Variants in CASP1 observed in about 807,000 individuals in gnomAD.
The protein encoded by CASP1 is caspase-1.
Under a neutral mutation model 41.2 loss-of-function variants are expected in CASP1, and 31 were observed. The observed-to-expected ratio is 0.75, with a 90% CI of 0.57 to 1.02. The LOEUF (loss-of-function observed/expected upper bound fraction) is 1.02, where lower values mean the gene tolerates loss of function less well. CASP1 is among the 50% of genes least tolerant of loss of function. CASP1 has a pLI of 0.00. For missense variants in CASP1, 490 were observed against 495.7 expected (o/e 0.99, Z 0.11); for synonymous variants, 163 against 166.5 (o/e 0.98, Z 0.16).
chr11:105,031,388 G>A, intron 3 of CASP1, 108 bp from the exon 4 acceptor site: 1 of 624,690 alleles, frequency 1.6e-6, no homozygotes, highest in Non-Finnish European at 2.9e-6. Context: ...AATGCACTCT[G>A]AGGAGGACAA....
Position 105,026,832 on chromosome 11 carries a change from A to G in CASP1, c.1116+10T>C, listed in dbSNP as rs761750054. 2 of 1,382,088 alleles carry G rather than the reference A, an allele frequency of 1.4e-6. No individual in the cohort carries two copies. Among genetic ancestry groups the G allele is most frequent in the East Asian group, 2.3e-5 (1 of 43,802 alleles). The allele number at this position is 1,382,088 out of a possible 1,614,324, so 85.6% of individuals were successfully genotyped here. ...AAGTAGAGTGAAAATAGCATCCACT[A>G]GCATCTTACCTTGCGGAAAATTTCC... On this transcript the variant is annotated intron_variant, in intron 8 of 8. Transcript: ENST00000533400.
chr11:105,027,238 G>A, intron 7 of CASP1: 1 of 579,050 alleles, frequency 1.7e-6, no homozygotes. Context: ...CCATACACAA[G>A]AGGTATCTGA....
upstream of CASP1, among the ~76,000 whole-genome samples, chr11:105,036,105 G>C (rs1864007414): frequency 6.6e-6 from 1 of 152,146 alleles, no homozygotes; most frequent in African/African-American, 2.4e-5. Flanking sequence ...AGCATTAAGT[G>C]AGAGAAAATG....
At chr11:105,027,513 A>T (rs1248655216) in intron 7 of CASP1, among the ~76,000 whole-genome samples, 1 of 152,100 alleles carries the variant, frequency 6.6e-6, no homozygotes, top group Non-Finnish European at 1.5e-5. Context: ...TATTAAAGAA[A>T]AATATTAATT....
rs2509649 is a variant in CASP1, at chr11:105,034,228, C to T, written c.254G>A (p.Gly85Glu). The T allele has an allele frequency of 3.1e-5, 50 of 1,613,842 alleles. No homozygotes were observed. Among genetic ancestry groups the T allele is most frequent in the Middle Eastern group, 1.6e-4 (1 of 6,080 alleles). The change falls in exon 2 of 9, where the codon GGG becomes GAG. Residue 85 changes from glycine (G) to glutamate (E), a missense_variant. Transcript: ENST00000533400. The part of the protein sequence containing the change: ...YICEEDSYLA[G>E]TLGLSADQTS... ...CTTACCTGCTGAGAGTCCCAGCGTC[C>T]CTGCCAGGTAACTGTCTTCTTCACA... is the stretch of plus-strand genomic sequence containing the variant.
At chr11:105,033,212 A>G in intron 2 of CASP1, 86 bp from the exon 3 acceptor site, 1 of 715,328 alleles carries the variant, frequency 1.4e-6, no homozygotes, top group Non-Finnish European at 2.4e-6. Flanking sequence ...CCCACTAAAA[A>G]TTTCTCCCAT....
intron 8 of CASP1, 104 bp downstream of exon 8, chr11:105,026,738 A>G: frequency 1.4e-6 from 1 of 718,666 alleles, no homozygotes; most frequent in Admixed American, 2.1e-5. Flanking sequence ...AAAGAAGAGC[A>G]TTATTGGAAG....
chr11:105,026,209 C>T lies in CASP1; in HGVS notation c.*49G>A, dbSNP rs575932536. On this transcript the variant is annotated 3_prime_UTR_variant, in exon 9 of 9. Coordinates refer to ENST00000533400, the MANE Select transcript of CASP1 (RefSeq NM_001257118.3). Reference sequence around the variant, plus strand: ...CCTTTCCTCAACCTTCCCACACTCCCGACCATACACATGTACCTGCCCACA... The same window carrying T: ...CCTTTCCTCAACCTTCCCACACTCCTGACCATACACATGTACCTGCCCACA... 9.8e-6 allele frequency: 12 copies of T among 1,225,002 alleles called. 1 individual carries two copies. The highest frequency in any genetic ancestry group is 4.9e-5 in the South Asian group (4 of 82,410). The allele number at this position is 1,225,002 out of a possible 1,614,324, so 75.9% of individuals were successfully genotyped here.
chr11:105,025,552 T>C lies in CASP1; in HGVS notation c.*706A>G. The C allele has an allele frequency of 2.3e-6, 1 of 428,944 alleles. No individual in the cohort carries two copies. 26.6% of individuals were successfully genotyped at this position (428,944 alleles called of 1,614,324 possible). ...TTTATTATTTCAAAAAAGTTTATTA[T>C]TCAGCAGACATAATTCCAAAAACCT... is the stretch of plus-strand genomic sequence containing the variant. On this transcript the variant is annotated 3_prime_UTR_variant, in exon 9 of 9. Coordinates refer to ENST00000533400, the MANE Select transcript of CASP1 (RefSeq NM_001257118.3).
intron 6 of CASP1, 112 bp from the exon 7 acceptor site, chr11:105,029,379 A>G: frequency 1.2e-6 from 1 of 844,776 alleles, no homozygotes; most frequent in Non-Finnish European, 1.8e-6. Flanking sequence ...ATTAATTCAC[A>G]TGCAAATAGA....
chr11:105,034,962 T>A, intron 1 of CASP1, 145 bp downstream of exon 1: 1 of 1,070,320 alleles, frequency 9.3e-7, no homozygotes, highest in Non-Finnish European at 1.4e-6. Flanking sequence ...AATCTTCTAG[T>A]TCCTTCTCTC....
At position 105,029,256 on chromosome 11, in the gene CASP1, C is replaced by T. The variant is rs1863519523; in HGVS notation, c.874G>A (p.Val292Met). The T allele has an allele frequency of 1.9e-6, 3 of 1,611,458 alleles. No individual in the cohort carries two copies. Among genetic ancestry groups the T allele is most frequent in the East Asian group, 2.2e-5 (1 of 44,838 alleles). ...IQACRGDSPG[V>M]VWFKDSVGVS... ...CCTACTGAATCTTTAAACCACACCA[C>T]ACCAGGGCTGTCTGGAAAGACACAG... Residue 292 changes from valine (V) to methionine (M), a missense_variant, in exon 7 of 9, where the codon GTG becomes ATG. By Grantham distance (21) the Val-to-Met change is conservative. Coordinates refer to ENST00000533400, the MANE Select transcript of CASP1 (RefSeq NM_001257118.3).
Position 105,026,332 on chromosome 11 carries a change from C to G in CASP1, c.1141G>C (p.Asp381His), listed in dbSNP as rs776777830. 1.9e-6 allele frequency: 3 copies of G among 1,611,294 alleles called. No individual in the cohort carries two copies. The South Asian group carries it at 3.3e-5, about 18-fold the overall frequency. Residue 381 changes from aspartate to histidine, a missense_variant, in exon 9 of 9, where the codon GAT becomes CAT. Coordinates refer to ENST00000533400, the MANE Select transcript of CASP1 (RefSeq NM_001257118.3). Reference sequence around the variant, plus strand: ...GTGGTGGGCATCTGCGCTCTACCATCTGGCTGCTCAAATGAAAATCGAACC... The same window carrying G: ...GTGGTGGGCATCTGCGCTCTACCATGTGGCTGCTCAAATGAAAATCGAACC... ...RKVRFSFEQP[D>H]GRAQMPTTER... is the part of the protein sequence containing the mutation.
chr11:105,036,530 T>G (rs776340814), upstream of CASP1, among the ~76,000 whole-genome samples: 7 of 152,150 alleles, frequency 4.6e-5, no homozygotes, highest in Admixed American at 6.6e-5. Context: ...CATGCTGTTC[T>G]CTTGATAATG....
intron 3 of CASP1, among the ~76,000 whole-genome samples, chr11:105,031,759 G>A (rs933403714): frequency 2.0e-5 from 3 of 151,984 alleles, no homozygotes; most frequent in Non-Finnish European, 2.9e-5. Flanking sequence ...GTAAGCACTA[G>A]GAATATTTTT....
chr11:105,027,102 T>C, intron 7 of CASP1, 151 bp from the exon 8 acceptor site: 3 of 679,572 alleles, frequency 4.4e-6, no homozygotes, highest in East Asian at 5.4e-5. Flanking sequence ...AGGGGAGTGA[T>C]TGGGATTTGG....
chr11:105,028,791 T>C (rs988105304), intron 7 of CASP1, among the ~76,000 whole-genome samples: 3 of 152,292 alleles, frequency 2.0e-5, no homozygotes, highest in Non-Finnish European at 4.4e-5. Flanking sequence ...AAATATTTGA[T>C]GTCTGGGCAA....
intron 3 of CASP1, among the ~76,000 whole-genome samples, chr11:105,031,481 T>G (rs1863695158): frequency 6.6e-6 from 1 of 152,186 alleles, no homozygotes; most frequent in Non-Finnish European, 1.5e-5. Context: ...AGGTATGCAT[T>G]ACAAGTATCT....
chr11:105,033,906 T>G, intron 2 of CASP1: 1 of 693,882 alleles, frequency 1.4e-6, no homozygotes, highest in Non-Finnish European at 2.7e-6. Context: ...TATTTTGCCT[T>G]GCCAGGAACA....
Sources: gnomAD v4.1 joint callset for allele counts (sites outside exome capture counted in the v4.1 genomes callset) on GRCh38, gnomAD v4.1.1 for gene constraint, MANE v1.5 for transcripts, NCBI Gene and HGNC (gene_info 2026-07-23, HGNC 2026-07-21) for gene names.